Variants in TSNARE1 observed in about 807,000 individuals in gnomAD.
The protein encoded by TSNARE1 is t-SNARE domain containing 1, also known as t-SNARE domain-containing protein 1.
TSNARE1 carries 49 observed loss-of-function variants against 62.0 expected under a neutral mutation model. That is an observed-to-expected ratio of 0.79 (90% CI 0.63 to 1.00). The LOEUF (loss-of-function observed/expected upper bound fraction) is 1.00, where lower values mean the gene tolerates loss of function less well. TSNARE1 is among the 50% of genes least tolerant of loss of function. TSNARE1 has a pLI of 0.00. For synonymous variants in TSNARE1, 328 were observed against 294.4 expected (o/e 1.11, Z -1.17); for missense variants, 755 against 700.1 (o/e 1.08, Z -0.88).
intron 2 of TSNARE1, among the ~76,000 whole-genome samples, chr8:142,346,857 C>T (rs1475850293): frequency 6.6e-6 from 1 of 152,226 alleles, no homozygotes; most frequent in Non-Finnish European, 1.5e-5. Context: ...GGTGAGCTCC[C>T]TCTCAGGATC....
intron 1 of TSNARE1, among the ~76,000 whole-genome samples, chr8:142,383,966 GC>G (rs1836946313): frequency 6.6e-6 from 1 of 152,200 alleles, no homozygotes; most frequent in Non-Finnish European, 1.5e-5. Context: ...GGCAGGCAGG[GC>G]CCACACAGGA....
intron 2 of TSNARE1, among the ~76,000 whole-genome samples, chr8:142,346,169 G>A (rs1231893748): frequency 6.6e-6 from 1 of 152,194 alleles, no homozygotes; most frequent in Non-Finnish European, 1.5e-5. Flanking sequence ...GCTTGCAGGG[G>A]TAGCCACAGA....
At chr8:142,393,487 C>A (rs2131394240) in intron 1 of TSNARE1, among the ~76,000 whole-genome samples, 1 of 152,384 alleles carries the variant, frequency 6.6e-6, no homozygotes, top group East Asian at 1.9e-4. Context: ...ACGGGGAAAA[C>A]TGGGTGAAGA....
rs1357338179 is a variant in TSNARE1 at position 142,227,120 on chromosome 8, CCAGAA to C, written c.*11+2348_*11+2352del. Among the ~76,000 whole-genome samples, 31 of 146,304 alleles carry C rather than the reference CCAGAA, an allele frequency of 2.1e-4. No homozygotes were observed. In the South Asian group the frequency reaches 2.2e-3, roughly 10 times the overall value. The stretch of plus-strand genomic sequence containing the variant: ...CACTGCACCCACACAATAGTGACAG[CCAGAA>C]CCCCCACTGCACCCACACCCCAGTG... On this transcript the variant is annotated intron_variant, in intron 13 of 13. Transcript: ENST00000524325.
At chr8:142,260,194 C>T (rs1320422763) in intron 12 of TSNARE1, among the ~76,000 whole-genome samples, 2 of 152,112 alleles carry the variant, frequency 1.3e-5, no homozygotes, top group Non-Finnish European at 1.5e-5. Context: ...AAGCGTGCAA[C>T]GTCTTACCCT....
At chr8:142,266,811 C>G (rs974542126) in intron 12 of TSNARE1, among the ~76,000 whole-genome samples, 12 of 152,174 alleles carry the variant, frequency 7.9e-5, no homozygotes, top group Admixed American at 7.2e-4. Context: ...GACTCCAAGA[C>G]GACATATGTT....
chr8:142,329,296 G>A lies in TSNARE1; in HGVS notation c.893+1605C>T, dbSNP rs549123974. On this transcript the variant is annotated intron_variant, in intron 6 of 13. Transcript: ENST00000524325. ...CGGCCCAGGGGAGAGCCAAGGTGCC[G>A]GGATACTCGGTCCTCAGACCAGGAC... Among the ~76,000 whole-genome samples the A allele has an allele frequency of 1.4e-4, 21 of 152,284 alleles. 1 individual carries two copies. In the East Asian group the frequency reaches 2.7e-3, roughly 20 times the overall value.
chr8:142,304,074 A>G (rs551349124), intron 9 of TSNARE1, among the ~76,000 whole-genome samples: 10 of 152,370 alleles, frequency 6.6e-5, no homozygotes, highest in African/African-American at 1.7e-4. Context: ...TGACACGGGT[A>G]GAAGCTAGCA....
In TSNARE1 at chr8:142,357,442, A is replaced by G. The variant is rs533881065; in HGVS notation, c.-39-2679T>C. ...TGGGGCCAGCCAGGCCTGACACAAG[A>G]CTTGTGTTTGGGGAGCTCCCTCTAC... On this transcript the variant is annotated intron_variant, in intron 1 of 13. Coordinates refer to ENST00000524325, the MANE Select transcript of TSNARE1 (RefSeq NM_145003.5). 6.2e-4 allele frequency among the ~76,000 whole-genome samples: 94 copies of G among 152,208 alleles called. 1 individual carries two copies. In the South Asian group the frequency reaches 0.019, roughly 31 times the overall value.
intron 12 of TSNARE1, among the ~76,000 whole-genome samples, chr8:142,230,682 G>C (rs947283854): frequency 2.6e-5 from 4 of 152,106 alleles, no homozygotes; most frequent in African/African-American, 9.7e-5. Context: ...GAGGAGGGAA[G>C]TATAAAGGAC....
chr8:142,273,009 A>G, intron 12 of TSNARE1: 1 of 985,442 alleles, frequency 1.0e-6, no homozygotes, highest in Non-Finnish European at 1.2e-6. Flanking sequence ...GGGACAGTCT[A>G]TGCAGAGGTG....
At position 142,300,521 on chromosome 8, in the gene TSNARE1, T is replaced by G. The variant is rs762451881; in HGVS notation, c.1255A>C (p.Ile419Leu). 1 of 1,609,684 alleles carries G rather than the reference T, an allele frequency of 6.2e-7. No homozygotes were observed. Among genetic ancestry groups the G allele is most frequent in the Admixed American group, 1.7e-5 (1 of 59,990 alleles). The change falls in exon 10 of 14, where the codon ATC becomes CTC. Residue 419 changes from isoleucine to leucine, a missense_variant. Coordinates refer to ENST00000524325, the MANE Select transcript of TSNARE1 (RefSeq NM_145003.5). ...AGGATGGCCTCCTCCCGCAGCCGGA[T>G]GGCCTCCAGGTCCTCTTCAGTGATG... is the stretch of plus-strand genomic sequence containing the variant. ...PDITEEDLEA[I>L]RLREEAILQM...
intron 12 of TSNARE1, among the ~76,000 whole-genome samples, chr8:142,262,516 C>T (rs1818948164): frequency 6.6e-6 from 1 of 152,064 alleles, no homozygotes; most frequent in Admixed American, 6.5e-5. Flanking sequence ...GTGTACCCGC[C>T]CAAATCTCAT....
At chr8:142,223,707 C>T (rs1370342445) in intron 13 of TSNARE1, among the ~76,000 whole-genome samples, 1 of 152,260 alleles carries the variant, frequency 6.6e-6, no homozygotes, top group African/African-American at 2.4e-5. Flanking sequence ...AGAGAGATCA[C>T]ATCCCCAGGA....
At chr8:142,293,725 G>C (rs1313074561) in intron 10 of TSNARE1, among the ~76,000 whole-genome samples, 1 of 152,192 alleles carries the variant, frequency 6.6e-6, no homozygotes, top group Admixed American at 6.5e-5. Flanking sequence ...ACCTCGGATC[G>C]AGGGTCATCT....
At chr8:142,227,428 A>ATAG (rs1816888534) in intron 13 of TSNARE1, among the ~76,000 whole-genome samples, 1 of 67,858 alleles carries the variant, frequency 1.5e-5, no homozygotes. Context: ...CCTGCCCACA[A>ATAG]CCCCAGTGGC....
intron 2 of TSNARE1, among the ~76,000 whole-genome samples, chr8:142,354,112 C>A (rs1834484556): frequency 6.6e-6 from 1 of 152,152 alleles, no homozygotes; most frequent in African/African-American, 2.4e-5. Flanking sequence ...CTAAGTGGGG[C>A]CAGCCTGCAG....
intron 11 of TSNARE1, chr8:142,278,675 G>A: frequency 2.0e-6 from 2 of 985,444 alleles, no homozygotes; most frequent in Non-Finnish European, 2.4e-6. Flanking sequence ...CTGCAGACGA[G>A]GCCTGACCAG....
intron 10 of TSNARE1, among the ~76,000 whole-genome samples, chr8:142,292,108 T>C (rs911814348): frequency 6.6e-6 from 1 of 151,986 alleles, no homozygotes; most frequent in African/African-American, 2.4e-5. Flanking sequence ...AACCAGGCCA[T>C]GGGAGAGGCC....
Sources: allele counts gnomAD v4.1 joint callset (sites outside exome capture counted in the v4.1 genomes callset), GRCh38; gene constraint gnomAD v4.1.1; transcripts MANE v1.5; gene names NCBI Gene and HGNC (gene_info 2026-07-23, HGNC 2026-07-21).